The following DSCAM variants were observed in gnomAD, a reference collection of about 807,000 sequenced individuals.
DSCAM encodes the protein cell adhesion molecule DSCAM.
A neutral mutation model predicts 217.7 loss-of-function variants in DSCAM; 47 were observed. That is an observed-to-expected ratio of 0.22 (90% CI 0.17 to 0.28). The LOEUF (loss-of-function observed/expected upper bound fraction) is 0.28. Among genes scored for constraint, DSCAM ranks in the 10% least tolerant of loss-of-function variants. DSCAM has a pLI of 1.00. For missense variants in DSCAM, 2,080 were observed against 2,618.3 expected (o/e 0.79, Z 4.49); for synonymous variants, 1,056 against 1,015.3 (o/e 1.04, Z -0.76).
chr21:40,624,212 A>G (rs914330711), intron 3 of DSCAM, among the ~76,000 whole-genome samples: 2 of 152,184 alleles, frequency 1.3e-5, no homozygotes, highest in Admixed American at 6.5e-5. Flanking sequence ...TTTTACTAAC[A>G]TGCAAACTCA....
chr21:40,660,916 T>C (rs1345474445), intron 3 of DSCAM, among the ~76,000 whole-genome samples: 1 of 152,220 alleles, frequency 6.6e-6, no homozygotes, highest in Non-Finnish European at 1.5e-5. Context: ...GGAGAACTCA[T>C]GGCAATGTTA....
intron 32 of DSCAM, among the ~76,000 whole-genome samples, chr21:40,021,200 C>T (rs117918539): frequency 0.039 from 4,440 of 112,650 alleles, 130 homozygotes; most frequent in East Asian, 0.13. Context: ...AGCGAGACTC[C>T]GTCTCAAAAA....
At chr21:40,337,727 G>A (rs2074442781) in intron 8 of DSCAM, among the ~76,000 whole-genome samples, 1 of 152,200 alleles carries the variant, frequency 6.6e-6, no homozygotes, top group African/African-American at 2.4e-5. Flanking sequence ...ATCCCTTCCA[G>A]TGAAGTTCTA....
intron 11 of DSCAM, among the ~76,000 whole-genome samples, chr21:40,239,156 C>T (rs1479406947): frequency 6.6e-6 from 1 of 152,166 alleles, no homozygotes; most frequent in Non-Finnish European, 1.5e-5. Flanking sequence ...GAGAAGAATG[C>T]ACAGCGTTTC....
chr21:40,348,826 T>C (rs185767409), intron 5 of DSCAM, among the ~76,000 whole-genome samples: 50 of 152,198 alleles, frequency 3.3e-4, no homozygotes, highest in African/African-American at 1.2e-3. Flanking sequence ...TCTGTGAGGA[T>C]GTTGATATAA....
intron 1 of DSCAM, among the ~76,000 whole-genome samples, chr21:40,827,677 G>C (rs1210058902): frequency 6.6e-6 from 1 of 152,060 alleles, no homozygotes; most frequent in East Asian, 1.9e-4. Context: ...CCAGCTGCTT[G>C]TTTCTTGTCT....
At chr21:40,276,969 GGGT>G (rs1368106229) in intron 10 of DSCAM, among the ~76,000 whole-genome samples, 5 of 148,790 alleles carry the variant, frequency 3.4e-5, no homozygotes, top group Admixed American at 2.0e-4. Flanking sequence ...ATATACAACT[GGGT>G]AAAAAAAAAA....
chr21:40,248,240 A>T (rs1172591060), intron 11 of DSCAM, among the ~76,000 whole-genome samples: 1 of 152,160 alleles, frequency 6.6e-6, no homozygotes, highest in African/African-American at 2.4e-5. Context: ...GGGAATTAAC[A>T]TTTGGCTCCT....
intron 11 of DSCAM, among the ~76,000 whole-genome samples, chr21:40,273,151 C>T (rs900699865): frequency 2.6e-5 from 4 of 152,088 alleles, no homozygotes; most frequent in African/African-American, 9.7e-5. Context: ...TCTTTCCAAC[C>T]AAAGAATCAT....
intron 11 of DSCAM, among the ~76,000 whole-genome samples, chr21:40,227,037 A>G (rs2091339445): frequency 1.4e-4 from 22 of 152,154 alleles, no homozygotes. Flanking sequence ...GCTAAGGATA[A>G]TGGTCTCCAG....
intron 3 of DSCAM, among the ~76,000 whole-genome samples, chr21:40,565,059 C>A (rs1601748926): frequency 6.6e-6 from 1 of 152,142 alleles, no homozygotes. Flanking sequence ...GTTGTGAAGA[C>A]AACAAAGTAA....
chr21:40,168,186 G>A (rs1263570092), intron 15 of DSCAM, among the ~76,000 whole-genome samples: 1 of 152,202 alleles, frequency 6.6e-6, no homozygotes, highest in African/African-American at 2.4e-5. Context: ...TTTCTGCTGA[G>A]TGTGCAATAA....
intron 18 of DSCAM, among the ~76,000 whole-genome samples, chr21:40,136,309 G>A (rs1238511098): frequency 6.6e-6 from 1 of 152,050 alleles, no homozygotes; most frequent in Non-Finnish European, 1.5e-5. Context: ...TAAGTCTTTT[G>A]GATTAGGATA....
chr21:40,720,052 C>A (rs2090885404), intron 1 of DSCAM, among the ~76,000 whole-genome samples: 1 of 152,106 alleles, frequency 6.6e-6, no homozygotes, highest in South Asian at 2.1e-4. Context: ...GAGACGTTAA[C>A]CAACAGTTTT....
At chr21:40,550,486 T>C (rs887302515) in intron 3 of DSCAM, among the ~76,000 whole-genome samples, 11 of 152,252 alleles carry the variant, frequency 7.2e-5, no homozygotes, top group African/African-American at 2.4e-4. Flanking sequence ...GATCACGCCA[T>C]TGCACTCCAG....
intron 1 of DSCAM, among the ~76,000 whole-genome samples, chr21:40,839,797 C>T (rs2092085529): frequency 6.6e-6 from 1 of 152,124 alleles, no homozygotes; most frequent in Admixed American, 6.6e-5. Context: ...GGACTGCTTG[C>T]TCACTCTTAA....
At chr21:40,138,848 G>A (rs2090249722) in intron 18 of DSCAM, among the ~76,000 whole-genome samples, 1 of 147,048 alleles carries the variant, frequency 6.8e-6, no homozygotes, top group African/African-American at 2.5e-5. Flanking sequence ...TATGTGGGGT[G>A]TATGTGTGGT....
intron 1 of DSCAM, among the ~76,000 whole-genome samples, chr21:40,840,376 G>A (rs2092090686): frequency 6.6e-6 from 1 of 152,102 alleles, no homozygotes; most frequent in Admixed American, 6.5e-5. Context: ...AGAGCTGGGG[G>A]TGGCGGAGTG....
chr21:40,349,162 C>G (rs1396007519), intron 5 of DSCAM, among the ~76,000 whole-genome samples: 2 of 66,602 alleles, frequency 3.0e-5, no homozygotes, highest in East Asian at 8.5e-4. Context: ...AAAAGAAATG[C>G]AACATGCTGG....
Sources: allele counts gnomAD v4.1 joint callset (sites outside exome capture counted in the v4.1 genomes callset), GRCh38; gene constraint gnomAD v4.1.1; transcripts MANE v1.5; gene names NCBI Gene and HGNC (gene_info 2026-07-23, HGNC 2026-07-21).